The following ROBO2 variants were observed in gnomAD, a reference collection of about 807,000 sequenced individuals.
The protein encoded by ROBO2 is roundabout guidance receptor 2.
In ROBO2, 53 loss-of-function variants were observed where a neutral mutation model predicts 160.8. The ratio of observed to expected loss-of-function variants is 0.33; its 90% CI spans 0.26 to 0.41. ROBO2 has a LOEUF of 0.41. Ranked by LOEUF, ROBO2 falls within the 10% of genes least tolerant of loss-of-function variation. The pLI is 1.00. For missense variants in ROBO2, 1,577 were observed against 1,722.4 expected (o/e 0.92, Z 1.49); for synonymous variants, 664 against 611.7 (o/e 1.09, Z -1.26).
intron 1 of ROBO2, among the ~76,000 whole-genome samples, chr3:75,915,747 G>A: frequency 6.6e-6 from 1 of 152,044 alleles, no homozygotes; most frequent in Non-Finnish European, 1.5e-5. Flanking sequence ...AAGAGTGGGT[G>A]ATGTTGCTGA....
At chr3:77,393,962 C>A (rs2075004880) in intron 2 of ROBO2, among the ~76,000 whole-genome samples, 1 of 152,066 alleles carries the variant, frequency 6.6e-6, no homozygotes, top group Admixed American at 6.6e-5. Flanking sequence ...TGGAAGATTA[C>A]AAGTGCTTAT....
chr3:77,168,209 CA>C (rs1016791944), intron 2 of ROBO2, among the ~76,000 whole-genome samples: 5 of 152,200 alleles, frequency 3.3e-5, no homozygotes, highest in African/African-American at 1.2e-4. Context: ...AACATACCTC[CA>C]GCCCCTAAAT....
chr3:77,136,681 G>A (rs1002825881), intron 2 of ROBO2, among the ~76,000 whole-genome samples: 3 of 148,632 alleles, frequency 2.0e-5, no homozygotes, highest in African/African-American at 7.5e-5. Context: ...ACTGTCACCA[G>A]GCTGGAGTGC....
At chr3:77,289,163 A>G (rs775172123) in intron 2 of ROBO2, among the ~76,000 whole-genome samples, 6 of 152,192 alleles carry the variant, frequency 3.9e-5, no homozygotes, top group Non-Finnish European at 7.3e-5. Context: ...ACAAATAAAT[A>G]TAAAATTAGC....
chr3:76,099,317 C>G (rs1220494571), intron 2 of ROBO2, among the ~76,000 whole-genome samples: 1 of 151,514 alleles, frequency 6.6e-6, no homozygotes, highest in Admixed American at 6.6e-5. Context: ...TATATTTAGT[C>G]CTTGTAGTGT....
At chr3:77,252,831 A>AAAAAAAAAAAAAAAAAAAT in intron 2 of ROBO2, among the ~76,000 whole-genome samples, 1 of 12,524 alleles carries the variant, frequency 8.0e-5, no homozygotes, top group African/African-American at 1.6e-4. Flanking sequence ...AAAAAAAAAA[A>AAAAAAAAAAAAAAAAAAAT]ATATATATAT....
chr3:76,146,268 A>G (rs1057054234), intron 2 of ROBO2, among the ~76,000 whole-genome samples: 1 of 152,028 alleles, frequency 6.6e-6, no homozygotes, highest in Non-Finnish European at 1.5e-5. Flanking sequence ...CTCAAATGTT[A>G]TATTATGTTT....
chr3:76,696,095 A>G (rs2092920904), intron 2 of ROBO2, among the ~76,000 whole-genome samples: 2 of 152,130 alleles, frequency 1.3e-5, no homozygotes, highest in Non-Finnish European at 2.9e-5. Context: ...AGTTTCAAAT[A>G]TATTTAATTC....
chr3:77,366,891 G>GCAC (rs1553924907), intron 2 of ROBO2, among the ~76,000 whole-genome samples: 1 of 114,058 alleles, frequency 8.8e-6, no homozygotes, highest in Non-Finnish European at 1.9e-5. Flanking sequence ...AACTCTCACA[G>GCAC]CACCCCCCCG....
chr3:76,705,002 A>G (rs2093130719), intron 2 of ROBO2, among the ~76,000 whole-genome samples: 1 of 152,122 alleles, frequency 6.6e-6, no homozygotes, highest in Admixed American at 6.6e-5. Context: ...TTAGAGAGTA[A>G]ATATTTTAGC....
chr3:76,722,663 G>A (rs1166561928), intron 2 of ROBO2, among the ~76,000 whole-genome samples: 3 of 152,042 alleles, frequency 2.0e-5, no homozygotes, highest in African/African-American at 2.4e-5. Flanking sequence ...ACATTCTATC[G>A]CCACAGTTGT....
At chr3:77,256,992 C>G (rs2058461835) in intron 2 of ROBO2, among the ~76,000 whole-genome samples, 1 of 152,132 alleles carries the variant, frequency 6.6e-6, no homozygotes, top group Non-Finnish European at 1.5e-5. Flanking sequence ...CAGTACACCC[C>G]TCAGCCCCAT....
At position 76,308,028 on chromosome 3, in the gene ROBO2, T is replaced by C. The variant is rs1055586575; in HGVS notation, c.109+370426T>C. 3.3e-5 allele frequency among the ~76,000 whole-genome samples: 5 copies of C among 152,054 alleles called. No individual in the cohort carries two copies. The East Asian group carries it at 9.7e-4, about 29-fold the overall frequency. On this transcript the variant is annotated intron_variant, in intron 2 of 26. Transcript: ENST00000487694. The stretch of plus-strand genomic sequence containing the variant: ...TTCAAAACAGCACTATGACGTTGGA[T>C]AGGTGACTTAAACTCTCTGTGCCTC...
chr3:77,221,419 A>G (rs2151198355), intron 2 of ROBO2, among the ~76,000 whole-genome samples: 1 of 152,364 alleles, frequency 6.6e-6, no homozygotes. Context: ...TAAAGCTAGT[A>G]AGGGTGACAC....
chr3:75,989,645 A>G (rs936045399), intron 2 of ROBO2, among the ~76,000 whole-genome samples: 1 of 152,266 alleles, frequency 6.6e-6, no homozygotes, highest in Non-Finnish European at 1.5e-5. Context: ...TACCAAAAAA[A>G]GATTTGTTTC....
chr3:76,121,211 T>G (rs1479608177), intron 2 of ROBO2, among the ~76,000 whole-genome samples: 3 of 152,130 alleles, frequency 2.0e-5, no homozygotes, highest in Admixed American at 6.6e-5. Context: ...GTCCATATGG[T>G]AGAATTATTT....
chr3:76,071,186 A>G (rs545581980), intron 2 of ROBO2, among the ~76,000 whole-genome samples: 38 of 152,230 alleles, frequency 2.5e-4, no homozygotes, highest in African/African-American at 8.9e-4. Context: ...ATAATTTGTG[A>G]TTACTGTTTA....
chr3:76,764,353 C>G (rs2061465309), intron 2 of ROBO2, among the ~76,000 whole-genome samples: 1 of 151,696 alleles, frequency 6.6e-6, no homozygotes, highest in Non-Finnish European at 1.5e-5. Context: ...TTCTGCTCCA[C>G]ATTCTATTGT....
chr3:77,522,842 A>T, exon 6 of ROBO2: 1 of 1,609,808 alleles, frequency 6.2e-7, no homozygotes, highest in Non-Finnish European at 8.5e-7. Flanking sequence ...AGGCACCTAT[A>T]TGTGTATTGC....
Sources: allele counts gnomAD v4.1 joint callset (sites outside exome capture counted in the v4.1 genomes callset), GRCh38; gene constraint gnomAD v4.1.1; transcripts MANE v1.5; gene names NCBI Gene and HGNC (gene_info 2026-07-23, HGNC 2026-07-21).